EPHA3: variants seen among roughly 807,000 people sequenced by gnomAD.
EPHA3 encodes the protein EPH receptor A3.
In EPHA3, 42 loss-of-function variants were observed where a neutral mutation model predicts 107.1. That is an observed-to-expected ratio of 0.39 (90% CI 0.31 to 0.51). The LOEUF is 0.51. Ranked by LOEUF, EPHA3 falls within the 20% of genes least tolerant of loss-of-function variation. The pLI is 0.78. For synonymous variants in EPHA3, 461 were observed against 424.8 expected, an observed-to-expected ratio of 1.09 and a Z score of -1.05; for missense variants, 1,183 against 1,211.2, an observed-to-expected ratio of 0.98 and a Z score of 0.35.
At chr3:89,429,263 G>C (rs535445503) in intron 12 of EPHA3, 96 bp downstream of exon 12, 9 of 923,318 alleles carry the variant, frequency 9.7e-6, no homozygotes, top group Non-Finnish European at 1.4e-5. Flanking sequence ...AGTAATCTAA[G>C]TTTAAAGTAA....
Position 89,275,879 on chromosome 3 carries a change from T to C in EPHA3, c.815-65037T>C, listed in dbSNP as rs117832092. The stretch of plus-strand genomic sequence containing the variant: ...TATAATAATGAATAAAGCAAATCTC[T>C]TCCCTCAGTTAAAGGGAATGCAATG... On this transcript the variant is annotated intron_variant, in intron 3 of 16. Transcript: ENST00000336596. 3.6e-4 allele frequency among the ~76,000 whole-genome samples: 55 copies of C among 152,214 alleles called. No homozygotes were observed. In the East Asian group the frequency reaches 0.01, roughly 28 times the overall value.
intron 16 of EPHA3, among the ~76,000 whole-genome samples, chr3:89,476,621 T>A (rs1210209853): frequency 1.9e-5 from 2 of 104,262 alleles, no homozygotes. Context: ...TTATTTAATT[T>A]TTTTGAGGCG....
At chr3:89,383,403 A>T (rs529697650) in intron 5 of EPHA3, among the ~76,000 whole-genome samples, 4 of 152,280 alleles carry the variant, frequency 2.6e-5, no homozygotes, top group Non-Finnish European at 4.4e-5. Context: ...TGAACTAAAG[A>T]TATATTTAAG....
At chr3:89,446,035 A>G (rs1238380833) in intron 13 of EPHA3, among the ~76,000 whole-genome samples, 1 of 152,196 alleles carries the variant, frequency 6.6e-6, no homozygotes, top group African/African-American at 2.4e-5. Context: ...AGAAGAGCAG[A>G]ATTGAAAATT....
chr3:89,471,307 G>C (rs1028709103), intron 15 of EPHA3, among the ~76,000 whole-genome samples: 17 of 152,084 alleles, frequency 1.1e-4, no homozygotes, highest in African/African-American at 3.6e-4. Flanking sequence ...CTTGCAGGTG[G>C]TTATAGATAG....
In EPHA3 at chr3:89,481,022, G is replaced by T. The variant is rs1282414982; in HGVS notation, c.*1520G>T. On this transcript the variant is annotated 3_prime_UTR_variant, in exon 17 of 17. Coordinates refer to ENST00000336596, the MANE Select transcript of EPHA3 (RefSeq NM_005233.6). ...TAATTTTGAAAAGATGTACCTGGTG[G>T]ATATCTAGCTAGTAATATATTCTGA... 6 of 231,650 alleles carry T rather than the reference G, an allele frequency of 2.6e-5. No homozygotes were observed. Among genetic ancestry groups the T allele is most frequent in the Non-Finnish European group, 8.5e-6 (1 of 117,162 alleles). The allele number at this position is 231,650 out of a possible 1,614,324, so 14.3% of individuals were successfully genotyped here. A position where few individuals can be genotyped will look rare whatever the true frequency, so the allele number is the denominator to read the frequency against.
At position 89,466,625 on chromosome 3, in the gene EPHA3, C is replaced by T. The variant is rs1195739395; in HGVS notation, c.2691-5839C>T. ...GCGTCCGTCACCCCTTTCTTTGACT[C>T]GGAAAGGGAACTCCCTGACCCCTTG... On this transcript the variant is annotated intron_variant, in intron 15 of 16. Coordinates refer to ENST00000336596, the MANE Select transcript of EPHA3 (RefSeq NM_005233.6). 2.3e-5 allele frequency among the ~76,000 whole-genome samples: 3 copies of T among 127,694 alleles called. 1 individual carries two copies. The highest frequency in any genetic ancestry group is 4.2e-4 in the East Asian group (2 of 4,810). The allele number at this position is 127,694 out of a possible 152,430, so 83.8% of individuals were successfully genotyped here.
intron 13 of EPHA3, among the ~76,000 whole-genome samples, chr3:89,432,135 T>G (rs1239114925): frequency 6.6e-6 from 1 of 152,156 alleles, no homozygotes; most frequent in African/African-American, 2.4e-5. Flanking sequence ...GTGATCTGCC[T>G]GCATTCATAA....
chr3:89,209,722 C>CA (rs1411434710), intron 2 of EPHA3, 138 bp from the exon 3 acceptor site: 2 of 705,422 alleles, frequency 2.8e-6, no homozygotes, highest in Non-Finnish European at 4.4e-6. Context: ...GAGAACCTTG[C>CA]AAATAAAAAC....
At chr3:89,286,190 T>C (rs1223407280) in intron 3 of EPHA3, among the ~76,000 whole-genome samples, 1 of 150,276 alleles carries the variant, frequency 6.7e-6, no homozygotes, top group Non-Finnish European at 1.5e-5. Flanking sequence ...TATGGGACCC[T>C]TGGGCTGGTT....
intron 13 of EPHA3, among the ~76,000 whole-genome samples, chr3:89,433,655 C>T (rs1216136601): frequency 6.6e-6 from 1 of 151,872 alleles, no homozygotes; most frequent in Non-Finnish European, 1.5e-5. Flanking sequence ...TAAAATGTGT[C>T]CTACATAAAA....
intron 2 of EPHA3, among the ~76,000 whole-genome samples, chr3:89,182,771 C>T (rs2107122780): frequency 6.6e-6 from 1 of 151,700 alleles, no homozygotes; most frequent in East Asian, 1.9e-4. Flanking sequence ...TACATCTGTA[C>T]CAATGTCAGG....
intron 2 of EPHA3, among the ~76,000 whole-genome samples, chr3:89,160,000 GA>G (rs1704894902): frequency 6.6e-6 from 1 of 150,858 alleles, no homozygotes; most frequent in Non-Finnish European, 1.5e-5. Context: ...AAAAATAAAA[GA>G]AAAATTATAC....
At chr3:89,137,973 G>T (rs7428598) in intron 2 of EPHA3, among the ~76,000 whole-genome samples, 1 of 151,454 alleles carries the variant, frequency 6.6e-6, no homozygotes, top group Non-Finnish European at 1.5e-5. Flanking sequence ...CCCAGCAATA[G>T]GATTTTTAAT....
At chr3:89,128,874 A>T (rs1312991166) in intron 2 of EPHA3, among the ~76,000 whole-genome samples, 1 of 152,008 alleles carries the variant, frequency 6.6e-6, no homozygotes, top group African/African-American at 2.4e-5. Context: ...GGGGAAATGA[A>T]TTCCCCCATT....
rs372696481 is a variant in EPHA3, at chr3:89,281,004, A to ATTATTTAT, written c.815-59882_815-59875dup. Among the ~76,000 whole-genome samples, 236 of 147,358 alleles carry ATTATTTAT rather than the reference A, an allele frequency of 1.6e-3. 1 individual carries two copies. The highest frequency in any genetic ancestry group is 4.6e-3 in the African/African-American group (178 of 39,098). On this transcript the variant is annotated intron_variant, in intron 3 of 16. Coordinates refer to ENST00000336596, the MANE Select transcript of EPHA3 (RefSeq NM_005233.6). ...ACCATATGAATCTTACAAGATTTTTATTATTTATTTATTTATTTATTTATT... is the reference window on the plus strand; with the variant it reads ...ACCATATGAATCTTACAAGATTTTTATTATTTATTTATTTATTTATTTATTTATTTATT...
intron 2 of EPHA3, among the ~76,000 whole-genome samples, chr3:89,130,065 G>C (rs1042283020): frequency 5.3e-5 from 8 of 152,242 alleles, no homozygotes; most frequent in African/African-American, 1.9e-4. Flanking sequence ...AGTAAGGGAA[G>C]AGGGAATTTT....
chr3:89,399,733 T>A (rs1708919425), intron 7 of EPHA3: 5 of 1,204,220 alleles, frequency 4.2e-6, no homozygotes, highest in African/African-American at 1.6e-5. Flanking sequence ...TCTGTTTTTT[T>A]TTTTTAGCCA....
chr3:89,166,664 T>C (rs1207251797), intron 2 of EPHA3, among the ~76,000 whole-genome samples: 2 of 152,206 alleles, frequency 1.3e-5, no homozygotes, highest in Non-Finnish European at 2.9e-5. Flanking sequence ...TCTCCTTTTT[T>C]CTTTTGCTTC....
Sources: allele counts gnomAD v4.1 joint callset (sites outside exome capture counted in the v4.1 genomes callset), GRCh38; gene constraint gnomAD v4.1.1; transcripts MANE v1.5; gene names NCBI Gene and HGNC (gene_info 2026-07-23, HGNC 2026-07-21).